SHANK1: variants seen among roughly 807,000 people sequenced by gnomAD.
SHANK1 encodes the protein SH3 and multiple ankyrin repeat domains protein 1.
SHANK1 carries 35 observed loss-of-function variants against 165.6 expected under a neutral mutation model. The ratio of observed to expected loss-of-function variants is 0.21; its 90% CI spans 0.16 to 0.28. The LOEUF (loss-of-function observed/expected upper bound fraction) is 0.28, where lower values mean the gene tolerates loss of function less well. Ranked by LOEUF, SHANK1 falls within the 10% of genes least tolerant of loss-of-function variation. The probability of loss-of-function intolerance (pLI) is 1.00; values close to 1 mark genes in which losing one functional copy is unlikely to be tolerated. For synonymous variants in SHANK1, 1,428 were observed against 1,384.8 expected (o/e 1.03, Z -0.69); for missense variants, 2,681 against 3,036.4 (o/e 0.88, Z 2.75).
In SHANK1 at chr19:50,661,313, C is replaced by A. The variant is rs1325483882; in HGVS notation, c.*652G>T. Among the ~76,000 whole-genome samples the A allele has an allele frequency of 6.6e-6, 1 of 152,116 alleles. No individual in the cohort carries two copies. The highest frequency in any genetic ancestry group is 2.4e-5 in the African/African-American group (1 of 41,408). On this transcript the variant is annotated 3_prime_UTR_variant, in exon 24 of 24. Transcript: ENST00000293441. ...GGCATGGAGCGTGAGAAAGGAAATG[C>A]AGCGTGTGCGAGGAGAGCAGAGTGT...
Position 50,668,728 on chromosome 19 carries a change from G to C in SHANK1, c.3232C>G (p.Gln1078Glu). 7.8e-7 allele frequency: 1 copy of C among 1,279,550 alleles called. No homozygotes were observed. The highest frequency in any genetic ancestry group is 9.8e-7 in the Non-Finnish European group (1 of 1,019,642). The allele number at this position is 1,279,550 out of a possible 1,614,324, so 79.3% of individuals were successfully genotyped here. ...TGGAAATAGCGTAGAGCCGGGCCCT[G>C]GGAGGAGCCGCCGCCCCCGCCCGCG... ...GSAGGGGGSS[Q>E]GPALRYFQLP... Residue 1078 changes from glutamine (Q) to glutamate (E), a missense_variant, in exon 23 of 24, where the codon CAG (glutamine) becomes GAG (glutamate). Around this residue, in one of 10 missense-constraint regions of SHANK1, gnomAD observed 1,713 missense variants for 1,630.2 expected, o/e 1.05. Transcript: ENST00000293441.
intron 21 of SHANK1, among the ~76,000 whole-genome samples, chr19:50,682,741 T>G (rs1217434333): frequency 6.6e-6 from 1 of 152,190 alleles, no homozygotes; most frequent in African/African-American, 2.4e-5. Context: ...CTGAATAATT[T>G]AGTGAGTGAA....
chr19:50,666,838 C>G lies in SHANK1; in HGVS notation c.5122G>C (p.Ala1708Pro). 1 of 1,553,318 alleles carries G rather than the reference C, an allele frequency of 6.4e-7. No homozygotes were observed. The change falls in exon 23 of 24, where the codon GCA becomes CCA. Residue 1708 changes from alanine to proline, a missense_variant. Ala to Pro is a conservative substitution (Grantham distance 27). This residue lies in a region of SHANK1 where 1,713 missense variants were observed against 1,630.2 expected (regional missense o/e 1.05). Transcript: ENST00000293441. Reference protein sequence around the residue: ...SSLSAEGGGSAGGGGGAGAGV... With the variant: ...SSLSAEGGGSPGGGGGAGAGV... The stretch of plus-strand genomic sequence containing the variant: ...GCCCCAGCCCCGCCCCCACCCCCTG[C>G]GCTGCCACCACCTTCGGCAGATAGG...
Position 50,661,783 on chromosome 19 carries a change from G to C in SHANK1, c.*182C>G. ...CTTGTGTCAGCTGCCCCCCTTCAGT[G>C]AGGTGCAAATGTCCGGCCTGGATTG... On this transcript the variant is annotated 3_prime_UTR_variant, in exon 24 of 24. Transcript: ENST00000293441. The C allele has an allele frequency of 1.6e-6, 1 of 626,768 alleles. No individual in the cohort carries two copies. Among genetic ancestry groups the C allele is most frequent in the Non-Finnish European group, 2.8e-6 (1 of 357,858 alleles). 38.8% of individuals were successfully genotyped at this position (626,768 alleles called of 1,614,324 possible). A position where few individuals can be genotyped will look rare whatever the true frequency, so the allele number is the denominator to read the frequency against.
chr19:50,674,372 G>A (rs369559467), intron 21 of SHANK1, among the ~76,000 whole-genome samples: 3 of 152,072 alleles, frequency 2.0e-5, no homozygotes, highest in East Asian at 3.9e-4. Flanking sequence ...GCAGAGAAAG[G>A]GAGCCCTCTC....
intron 15 of SHANK1, among the ~76,000 whole-genome samples, chr19:50,696,170 C>T (rs1221314050): frequency 1.3e-5 from 2 of 152,182 alleles, no homozygotes; most frequent in African/African-American, 4.8e-5. Flanking sequence ...CCGCATTCAG[C>T]TGGTAGGACA....
chr19:50,694,176 TTCTC>T (rs1365863242), intron 15 of SHANK1, among the ~76,000 whole-genome samples: 1 of 150,414 alleles, frequency 6.6e-6, no homozygotes, highest in Non-Finnish European at 1.5e-5. Flanking sequence ...ATCTCTCCAT[TTCTC>T]TCTCTCACAC....
At chr19:50,687,490 G>A (rs1986390175) in intron 19 of SHANK1, 92 bp downstream of exon 19, 1 of 977,086 alleles carries the variant, frequency 1.0e-6, no homozygotes. Flanking sequence ...AGGACCCCTG[G>A]TCACTAACAA....
At position 50,666,471 on chromosome 19, in the gene SHANK1, G is replaced by A; in HGVS notation, c.5489C>T (p.Ala1830Val). Residue 1830 changes from alanine (A) to valine (V), a missense_variant, in exon 23 of 24, where the codon GCC (alanine) becomes GTC (valine). Physicochemically the swap from Ala to Val is moderately conservative, Grantham distance 64 (BLOSUM62 0). This residue lies in a region of SHANK1 where 1,713 missense variants were observed against 1,630.2 expected (regional missense o/e 1.05). Coordinates refer to ENST00000293441, the MANE Select transcript of SHANK1 (RefSeq NM_016148.5). ...CAGCAGCTTCCGGGGCAGAGAGGAGGCCGTCGGCAAGGGCACCGGTGGGAC... is the reference window on the plus strand; with the variant it reads ...CAGCAGCTTCCGGGGCAGAGAGGAGACCGTCGGCAAGGGCACCGGTGGGAC... ...PEVPPVPLPTASSLPRKLLPW... is the reference protein window; with the variant it reads ...PEVPPVPLPTVSSLPRKLLPW... The A allele has an allele frequency of 1.2e-6, 2 of 1,603,194 alleles. No individual in the cohort carries two copies. Among genetic ancestry groups the A allele is most frequent in the Non-Finnish European group, 1.7e-6 (2 of 1,176,764 alleles).
rs1052365121 is a variant in SHANK1, at chr19:50,686,861, G to A, written c.2390-49C>T. The A allele has an allele frequency of 6.2e-7, 1 of 1,607,410 alleles. No individual in the cohort carries two copies. The highest frequency in any genetic ancestry group is 8.5e-7 in the Non-Finnish European group (1 of 1,175,326). Reference sequence around the variant, plus strand: ...CGCCCAGGGAGCCCCCGGGGGCGGGGCGGAGCGGGCTCGGCCTGTGGGCGT... The same window carrying A: ...CGCCCAGGGAGCCCCCGGGGGCGGGACGGAGCGGGCTCGGCCTGTGGGCGT... On this transcript the variant is annotated intron_variant, in intron 19 of 23. Transcript: ENST00000293441. This position sits in a 1 kb window ranked among gnomAD's most constrained non-coding sequence, Gnocchi z 5.7.
rs544613817 is a variant in SHANK1, at chr19:50,687,547, C to A, written c.2389+35G>T. 1.2e-5 allele frequency: 18 copies of A among 1,523,296 alleles called. No individual in the cohort carries two copies. The East Asian group carries it at 3.0e-4, about 25-fold the overall frequency. 94.4% of individuals were successfully genotyped at this position (1,523,296 alleles called of 1,614,324 possible). On this transcript the variant is annotated intron_variant, in intron 19 of 23. Coordinates refer to ENST00000293441, the MANE Select transcript of SHANK1 (RefSeq NM_016148.5). ...GTCCAGCCCTCCTTCCCCTCTCCCC[C>A]CGGCCCCCTGGCCTCAGCAGCCCCG...
intron 12 of SHANK1, among the ~76,000 whole-genome samples, chr19:50,699,707 T>C (rs1477485157): frequency 4.0e-5 from 6 of 150,346 alleles, no homozygotes; most frequent in Admixed American, 6.6e-5. Context: ...ATTGGAGGAA[T>C]GGAGGGGTTG....
Position 50,713,648 on chromosome 19 carries a change from G to A in SHANK1, c.792+150C>T, listed in dbSNP as rs2089035103. On this transcript the variant is annotated intron_variant, in intron 6 of 23. Transcript: ENST00000293441. The surrounding 1 kb of genome is among the most constrained non-coding windows in gnomAD (Gnocchi z 6.2). ...GGGCCTGACAAGGGTGACAATAGGG[G>A]CTGTGTCTCAGTCTATGGAAAGGGG... 4 of 1,036,616 alleles carry A rather than the reference G, an allele frequency of 3.9e-6. No individual in the cohort carries two copies. Among genetic ancestry groups the A allele is most frequent in the Non-Finnish European group, 5.6e-6 (4 of 708,770 alleles). 64.2% of individuals were successfully genotyped at this position (1,036,616 alleles called of 1,614,324 possible). A position where few individuals can be genotyped will look rare whatever the true frequency, so the allele number is the denominator to read the frequency against.
At chr19:50,714,727 T>A (rs1006533358) in intron 4 of SHANK1, among the ~76,000 whole-genome samples, 2 of 137,774 alleles carry the variant, frequency 1.5e-5, no homozygotes, top group South Asian at 4.7e-4. Flanking sequence ...TGGTTGGGGG[T>A]GAAGTGTTAG....
intron 23 of SHANK1, 113 bp downstream of exon 23, chr19:50,666,079 A>G: frequency 1.9e-6 from 2 of 1,032,076 alleles, no homozygotes; most frequent in East Asian, 2.8e-5. Context: ...TGTGACAGCA[A>G]ACTCCTGCCA....
Position 50,688,360 on chromosome 19 carries a change from C to T in SHANK1, c.2173-302G>A, listed in dbSNP as rs1986428233. 6.6e-6 allele frequency among the ~76,000 whole-genome samples: 1 copy of T among 152,102 alleles called. No homozygotes were observed. The highest frequency in any genetic ancestry group is 1.5e-5 in the Non-Finnish European group (1 of 68,026). The stretch of plus-strand genomic sequence containing the variant: ...AAAAGACAGGGTCTCTCTCTGTCAC[C>T]CAGGTTGGGGTGCAGTGGCCCAATC... On this transcript the variant is annotated intron_variant, in intron 17 of 23. Coordinates refer to ENST00000293441, the MANE Select transcript of SHANK1 (RefSeq NM_016148.5). This position sits in a 1 kb window ranked among gnomAD's most constrained non-coding sequence, Gnocchi z 6.7.
rs1422295732 is a variant in SHANK1 at position 50,688,072 on chromosome 19, A to G, written c.2173-14T>C. 2.5e-6 allele frequency: 4 copies of G among 1,612,942 alleles called. No individual in the cohort carries two copies. The African/African-American group carries it at 5.4e-5, about 22-fold the overall frequency. On this transcript the variant is annotated splice_polypyrimidine_tract_variant and intron_variant, in intron 17 of 23. Transcript: ENST00000293441. The surrounding 1 kb of genome is among the most constrained non-coding windows in gnomAD (Gnocchi z 6.7). ...CTGCCCGTTCACCTGTGGCACAGAC[A>G]CCCCCAGATCACACAGAGTAGACGA...
In SHANK1 at chr19:50,686,983, C is replaced by T. The variant is rs368551114; in HGVS notation, c.2390-171G>A. On this transcript the variant is annotated intron_variant, in intron 19 of 23. Transcript: ENST00000293441. The surrounding 1 kb of genome is among the most constrained non-coding windows in gnomAD (Gnocchi z 5.7). ...CGAGTCCGCCGGCGGGGTCGGGAGACGGGGGCCCTCCCGCCAGTCCTGTGC... is the reference window on the plus strand; with the variant it reads ...CGAGTCCGCCGGCGGGGTCGGGAGATGGGGGCCCTCCCGCCAGTCCTGTGC... The T allele has an allele frequency of 2.5e-3, 3,530 of 1,413,090 alleles. 6 individuals are homozygous for T. Among genetic ancestry groups the T allele is most frequent in the Non-Finnish European group, 3.2e-3 (3,416 of 1,082,572 alleles). 87.5% of individuals were successfully genotyped at this position (1,413,090 alleles called of 1,614,324 possible).
At chr19:50,683,898 A>G (rs1986251852) in intron 21 of SHANK1, among the ~76,000 whole-genome samples, 1 of 152,234 alleles carries the variant, frequency 6.6e-6, no homozygotes, top group Non-Finnish European at 1.5e-5. Flanking sequence ...AACAGCGCAG[A>G]TGTTAGAAAC....
Sources: gnomAD v4.1 joint callset for allele counts (sites outside exome capture counted in the v4.1 genomes callset) on GRCh38, gnomAD v4.1.1 for gene constraint, gnomAD v4.1.1 regional missense constraint, Gnocchi (gnomAD v3.1) non-coding constraint, MANE v1.5 for transcripts, NCBI Gene and HGNC (gene_info 2026-07-23, HGNC 2026-07-21) for gene names.